Variants in CCSER1 observed in about 807,000 individuals in gnomAD.
CCSER1 encodes the protein coiled-coil serine rich protein 1, also known as serine-rich coiled-coil domain-containing protein 1.
Under a neutral mutation model 82.0 loss-of-function variants are expected in CCSER1, and 41 were observed. The observed-to-expected ratio is 0.50, with a 90% CI of 0.39 to 0.65. CCSER1 has a LOEUF of 0.65. Among genes scored for constraint, CCSER1 ranks in the 30% least tolerant of loss-of-function variants. The pLI is 0.00. For missense variants in CCSER1, 1,119 were observed against 1,064.2 expected, an observed-to-expected ratio of 1.05 and a Z score of -0.72; for synonymous variants, 414 against 383.9, an observed-to-expected ratio of 1.08 and a Z score of -0.92.
chr4:90,327,205 T>G (rs1170973820), intron 3 of CCSER1, among the ~76,000 whole-genome samples: 1 of 152,186 alleles, frequency 6.6e-6, no homozygotes, highest in African/African-American at 2.4e-5. Flanking sequence ...AAGTGGAAAC[T>G]TTGAATGCTC....
intron 1 of CCSER1, among the ~76,000 whole-genome samples, chr4:90,255,818 T>TGG (rs1229526533): frequency 6.6e-6 from 1 of 152,182 alleles, no homozygotes; most frequent in Non-Finnish European, 1.5e-5. Flanking sequence ...TTAATGTTTA[T>TGG]TTTCAGTGTT....
chr4:91,095,745 G>T (rs1428826033), intron 10 of CCSER1, among the ~76,000 whole-genome samples: 2 of 152,034 alleles, frequency 1.3e-5, no homozygotes, highest in Non-Finnish European at 2.9e-5. Context: ...TACATTGGTG[G>T]CCTTCTGAGC....
At chr4:90,270,837 G>A (rs1726119216) in intron 1 of CCSER1, among the ~76,000 whole-genome samples, 1 of 152,040 alleles carries the variant, frequency 6.6e-6, no homozygotes, top group South Asian at 2.1e-4. Context: ...GCATTTCTAT[G>A]TGCCAACAGT....
chr4:90,237,037 T>C (rs1265516873), intron 1 of CCSER1, among the ~76,000 whole-genome samples: 5 of 152,198 alleles, frequency 3.3e-5, no homozygotes, highest in Admixed American at 6.5e-5. Context: ...TTGTTATATT[T>C]TGCGAGCTAC....
rs578119394 is a variant in CCSER1 at position 90,482,456 on chromosome 4, G to A, written c.1724+14102G>A. 3.2e-4 allele frequency among the ~76,000 whole-genome samples: 49 copies of A among 152,232 alleles called. 1 individual carries two copies. The highest frequency in any genetic ancestry group is 6.5e-4 in the Non-Finnish European group (44 of 68,024). On this transcript the variant is annotated intron_variant, in intron 5 of 10. Coordinates refer to ENST00000509176, the MANE Select transcript of CCSER1 (RefSeq NM_001145065.2). Reference sequence around the variant, plus strand: ...TCTTGCTTCTCTAGTTGTTTTAATTGTGATGTTAGGGTGTCAATTTTAGAT... The same window carrying A: ...TCTTGCTTCTCTAGTTGTTTTAATTATGATGTTAGGGTGTCAATTTTAGAT...
At chr4:90,928,149 T>C (rs765146389) in intron 9 of CCSER1, among the ~76,000 whole-genome samples, 4 of 152,102 alleles carry the variant, frequency 2.6e-5, no homozygotes, top group Non-Finnish European at 5.9e-5. Context: ...TTTCTGTTTA[T>C]TTTTACAAAT....
chr4:90,264,712 G>A (rs867016596), intron 1 of CCSER1, among the ~76,000 whole-genome samples: 25 of 151,924 alleles, frequency 1.6e-4, no homozygotes, highest in African/African-American at 5.8e-4. Flanking sequence ...CTGGATGGTT[G>A]AGTTTGCTGG....
chr4:91,556,626 A>T lies in CCSER1; in HGVS notation c.2218-41946A>T, dbSNP rs1288475124. On this transcript the variant is annotated intron_variant, in intron 10 of 10. Coordinates refer to ENST00000509176, the MANE Select transcript of CCSER1 (RefSeq NM_001145065.2). ...TAAATTAATAATTACTGGATGAAAT[A>T]TGTTATATAAAGAGCAATCCTGCCG... 5.3e-5 allele frequency among the ~76,000 whole-genome samples: 8 copies of T among 151,064 alleles called. No individual in the cohort carries two copies. In the Admixed American group the frequency reaches 5.3e-4, roughly 10 times the overall value.
intron 5 of CCSER1, among the ~76,000 whole-genome samples, chr4:90,502,953 C>G (rs1403230000): frequency 6.6e-6 from 1 of 152,016 alleles, no homozygotes; most frequent in Non-Finnish European, 1.5e-5. Context: ...CACAGATGCA[C>G]AAGATGACTT....
chr4:91,209,643 C>T (rs1481435085), intron 10 of CCSER1, among the ~76,000 whole-genome samples: 2 of 151,692 alleles, frequency 1.3e-5, no homozygotes, highest in Non-Finnish European at 3.0e-5. Context: ...TTCGCATCTA[C>T]GTTAATCAAG....
chr4:90,974,650 C>G (rs1735442742), intron 9 of CCSER1, among the ~76,000 whole-genome samples: 1 of 151,284 alleles, frequency 6.6e-6, no homozygotes, highest in Non-Finnish European at 1.5e-5. Context: ...GTATGCAAGT[C>G]AGAACCACAG....
intron 6 of CCSER1, among the ~76,000 whole-genome samples, chr4:90,650,779 T>A (rs2149042284): frequency 6.6e-6 from 1 of 152,332 alleles, no homozygotes; most frequent in Admixed American, 6.5e-5. Context: ...TGTCACTAAG[T>A]CCTTTTCTTT....
chr4:90,598,481 T>G (rs1007376830), intron 5 of CCSER1, among the ~76,000 whole-genome samples: 6 of 152,164 alleles, frequency 3.9e-5, no homozygotes, highest in African/African-American at 1.4e-4. Flanking sequence ...ATTTGTTATC[T>G]CTTACCTTTT....
At chr4:90,325,698 G>A (rs779626740) in intron 3 of CCSER1, 2 of 431,942 alleles carry the variant, frequency 4.6e-6, no homozygotes, top group South Asian at 3.3e-5. Flanking sequence ...GACAGTCACT[G>A]GAATCTGAGG....
At chr4:90,619,929 C>G (rs1432077976) in intron 5 of CCSER1, among the ~76,000 whole-genome samples, 1 of 152,010 alleles carries the variant, frequency 6.6e-6, no homozygotes, top group Non-Finnish European at 1.5e-5. Flanking sequence ...GAAAAATACT[C>G]ATGACATTAA....
chr4:90,498,263 A>C (rs1206909491), intron 5 of CCSER1, among the ~76,000 whole-genome samples: 1 of 152,164 alleles, frequency 6.6e-6, no homozygotes, highest in Non-Finnish European at 1.5e-5. Flanking sequence ...AATTTACTGT[A>C]ATAAAAGTTA....
intron 7 of CCSER1, among the ~76,000 whole-genome samples, chr4:90,813,752 A>G (rs1196343764): frequency 1.3e-5 from 2 of 152,018 alleles, no homozygotes; most frequent in African/African-American, 4.8e-5. Context: ...TTTTCTTTCC[A>G]TTCTCAGATA....
At chr4:90,607,905 T>G in intron 5 of CCSER1, among the ~76,000 whole-genome samples, 1 of 152,190 alleles carries the variant, frequency 6.6e-6, no homozygotes, top group East Asian at 1.9e-4. Context: ...AAGACTCCAC[T>G]TAACCGTTTT....
chr4:91,211,337 G>A (rs1736807438), intron 10 of CCSER1, among the ~76,000 whole-genome samples: 1 of 152,014 alleles, frequency 6.6e-6, no homozygotes, highest in South Asian at 2.1e-4. Flanking sequence ...GAGTGTGTAG[G>A]AAAGACAGTG....
Sources: gnomAD v4.1 joint callset for allele counts (sites outside exome capture counted in the v4.1 genomes callset) on GRCh38, gnomAD v4.1.1 for gene constraint, MANE v1.5 for transcripts, NCBI Gene and HGNC (gene_info 2026-07-23, HGNC 2026-07-21) for gene names.